The following CSGALNACT1 variants were observed in gnomAD, a reference collection of about 807,000 sequenced individuals.
CSGALNACT1 encodes beta4GalNAcT-1.
Under a neutral mutation model 51.0 loss-of-function variants are expected in CSGALNACT1, and 52 were observed. The ratio of observed to expected loss-of-function variants is 1.02; its 90% CI spans 0.82 to 1.29. CSGALNACT1 has a LOEUF of 1.29. CSGALNACT1 is among the 50% of genes most tolerant of loss of function. CSGALNACT1 has a pLI of 0.00. For synonymous variants in CSGALNACT1, 341 were observed against 254.4 expected, an observed-to-expected ratio of 1.34 and a Z score of -3.24; for missense variants, 935 against 679.2, an observed-to-expected ratio of 1.38 and a Z score of -4.19.
At chr8:19,617,374 A>G (rs1056661134) in intron 1 of CSGALNACT1, among the ~76,000 whole-genome samples, 16 of 152,298 alleles carry the variant, frequency 1.1e-4, no homozygotes, top group African/African-American at 3.6e-4. Flanking sequence ...CTCCTGAATT[A>G]AACCTCTTTT....
At chr8:19,477,338 G>A (rs76808142) in intron 4 of CSGALNACT1, among the ~76,000 whole-genome samples, 23,466 of 152,144 alleles carry the variant, frequency 0.15, 1,963 homozygotes, top group Middle Eastern at 0.23. Flanking sequence ...CACTAAACAC[G>A]TGGACAAATG....
intron 3 of CSGALNACT1, among the ~76,000 whole-genome samples, chr8:19,563,291 A>T (rs982088609): frequency 2.0e-5 from 3 of 152,080 alleles, no homozygotes; most frequent in African/African-American, 7.2e-5. Flanking sequence ...GGTCAGGGGG[A>T]GGGAGAGCAT....
At chr8:19,505,937 C>A (rs142336638) in exon 4 of CSGALNACT1, 3 of 1,381,180 alleles carry the variant, frequency 2.2e-6, no homozygotes, top group Non-Finnish European at 3.0e-6. Context: ...GCGTTTGGGG[C>A]CCCCGGAGCT....
At chr8:19,502,215 A>G (rs2076541513) in intron 4 of CSGALNACT1, among the ~76,000 whole-genome samples, 1 of 152,228 alleles carries the variant, frequency 6.6e-6, no homozygotes, top group Non-Finnish European at 1.5e-5. Context: ...GCTGGATGGC[A>G]GAGCATCTCT....
intron 1 of CSGALNACT1, among the ~76,000 whole-genome samples, chr8:19,701,136 C>T (rs893043144): frequency 2.3e-5 from 3 of 131,818 alleles, no homozygotes; most frequent in East Asian, 2.4e-4. Flanking sequence ...AAGAAAATTT[C>T]AGTTCATCTA....
chr8:19,487,926 T>C (rs986246704), intron 4 of CSGALNACT1, among the ~76,000 whole-genome samples: 10 of 152,108 alleles, frequency 6.6e-5, no homozygotes, highest in African/African-American at 1.4e-4. Context: ...TGAAGTGATA[T>C]TGATATTAAC....
intron 1 of CSGALNACT1, among the ~76,000 whole-genome samples, chr8:19,608,565 T>A (rs1005276603): frequency 1.3e-5 from 2 of 152,266 alleles, no homozygotes; most frequent in Non-Finnish European, 2.9e-5. Context: ...TACATGCATC[T>A]CCATTACTGG....
chr8:19,686,887 ATC>A (rs1337808910), upstream of CSGALNACT1, among the ~76,000 whole-genome samples: 1 of 152,124 alleles, frequency 6.6e-6, no homozygotes, highest in South Asian at 2.1e-4. Context: ...GGTGGGGCAC[ATC>A]TCTCTCTCCT....
chr8:19,533,748 A>C (rs2083226750), intron 3 of CSGALNACT1, among the ~76,000 whole-genome samples: 1 of 152,192 alleles, frequency 6.6e-6, no homozygotes, highest in Non-Finnish European at 1.5e-5. Context: ...AGCTCCCATA[A>C]TATACTGATC....
chr8:19,493,046 ATTC>A (rs1328548068), intron 4 of CSGALNACT1, among the ~76,000 whole-genome samples: 2 of 104,786 alleles, frequency 1.9e-5, no homozygotes, highest in African/African-American at 3.3e-5. Context: ...GCTGCCTAAA[ATTC>A]TTTTTTTGAA....
intron 5 of CSGALNACT1, among the ~76,000 whole-genome samples, chr8:19,453,106 T>TA (rs2063490706): frequency 6.6e-6 from 1 of 151,828 alleles, no homozygotes; most frequent in African/African-American, 2.4e-5. Flanking sequence ...AGAATCAGAA[T>TA]AAAATTAAAA....
chr8:19,667,032 G>A (rs1445121364), intron 1 of CSGALNACT1, among the ~76,000 whole-genome samples: 861 of 27,622 alleles, frequency 0.031, 64 homozygotes, highest in African/African-American at 0.081. Context: ...AGGAAGGAAG[G>A]AAGGAAGGAA....
At chr8:19,425,240 C>G (rs997167701) in intron 6 of CSGALNACT1, among the ~76,000 whole-genome samples, 2 of 152,174 alleles carry the variant, frequency 1.3e-5, no homozygotes, top group Admixed American at 1.3e-4. Flanking sequence ...ACTTGGGAGG[C>G]TGAGGCAGGA....
At chr8:19,669,986 T>C (rs1193121838) in intron 1 of CSGALNACT1, among the ~76,000 whole-genome samples, 3 of 152,168 alleles carry the variant, frequency 2.0e-5, no homozygotes, top group East Asian at 1.9e-4. Context: ...ATTTCTTTTA[T>C]ATTTTATTAT....
At chr8:19,454,707 G>C (rs1341125860) in intron 5 of CSGALNACT1, among the ~76,000 whole-genome samples, 1 of 151,926 alleles carries the variant, frequency 6.6e-6, no homozygotes, top group African/African-American at 2.4e-5. Flanking sequence ...AAAATCAGAA[G>C]ATGAGACACA....
In CSGALNACT1 at chr8:19,649,819, C is replaced by CAAAAAAAAAAAAAAAAAAAAAAAAAA. The variant is rs57549612; in HGVS notation, c.-544+32628_-544+32653dup. On this transcript the variant is annotated intron_variant, in intron 1 of 9. Coordinates refer to the CSGALNACT1 transcript ENST00000332246. ...AAGAAATTAAATGCATTCCAAGTAG[C>CAAAAAAAAAAAAAAAAAAAAAAAAAA]AAAAAAAAAAAAAAAAAAAAAAAAA... 8.5e-4 allele frequency among the ~76,000 whole-genome samples: 25 copies of CAAAAAAAAAAAAAAAAAAAAAAAAAA among 29,412 alleles called. 10 individuals carry two copies. Among genetic ancestry groups the CAAAAAAAAAAAAAAAAAAAAAAAAAA allele is most frequent in the Non-Finnish European group, 1.0e-3 (18 of 17,162 alleles). 19.3% of individuals were successfully genotyped at this position (29,412 alleles called of 152,430 possible).
At chr8:19,743,639 T>C (rs1338193487) in intron 1 of CSGALNACT1, among the ~76,000 whole-genome samples, 2 of 152,206 alleles carry the variant, frequency 1.3e-5, no homozygotes, top group African/African-American at 4.8e-5. Context: ...AAATACTCTT[T>C]TCATCATCAG....
chr8:19,644,074 A>T (rs927309511), intron 1 of CSGALNACT1, among the ~76,000 whole-genome samples: 1 of 152,216 alleles, frequency 6.6e-6, no homozygotes, highest in African/African-American at 2.4e-5. Context: ...TGGCATATAG[A>T]TTTTATAAAA....
intron 3 of CSGALNACT1, among the ~76,000 whole-genome samples, chr8:19,517,136 C>A (rs1483627596): frequency 6.6e-6 from 1 of 152,106 alleles, no homozygotes; most frequent in South Asian, 2.1e-4. Flanking sequence ...AAGAAATGTT[C>A]TTTGAAAGAA....
Sources: gnomAD v4.1 joint callset for allele counts (sites outside exome capture counted in the v4.1 genomes callset) on GRCh38, gnomAD v4.1.1 for gene constraint, MANE v1.5 for transcripts, NCBI Gene and HGNC (gene_info 2026-07-23, HGNC 2026-07-21) for gene names.